Variants in CROCC2 observed in about 807,000 individuals in gnomAD.
CROCC2 encodes ciliary rootlet coiled-coil, rootletin family member 2, also known as ciliary rootlet coiled-coil protein 2.
Under a neutral mutation model 177.6 loss-of-function variants are expected in CROCC2, and 163 were observed. The ratio of observed to expected loss-of-function variants is 0.92; its 90% CI spans 0.81 to 1.05. The LOEUF (loss-of-function observed/expected upper bound fraction) is 1.05. CROCC2 is among the 50% of genes least tolerant of loss of function. The probability of loss-of-function intolerance (pLI) is 0.00; values close to 1 mark genes in which losing one functional copy is unlikely to be tolerated. For missense variants in CROCC2, 1,929 were observed against 1,797.8 expected, an observed-to-expected ratio of 1.07 and a Z score of -1.32; for synonymous variants, 904 against 787.3, an observed-to-expected ratio of 1.15 and a Z score of -2.48.
chr2:240,933,020 G>A lies in CROCC2; in HGVS notation c.1252-111G>A. ...CCCCTGAGCCCCATGGCTCCAGGGA[G>A]GGGCCCCAGTGTCGGGGGTGTCCTT... is the stretch of plus-strand genomic sequence containing the variant. On this transcript the variant is annotated intron_variant, in intron 9 of 31. Transcript: ENST00000690015. 12 of 1,017,642 alleles carry A rather than the reference G, an allele frequency of 1.2e-5. No individual in the cohort carries two copies. The South Asian group carries it at 1.7e-4, about 14-fold the overall frequency. 63.0% of individuals were successfully genotyped at this position (1,017,642 alleles called of 1,614,324 possible).
chr2:240,935,206 G>T, intron 13 of CROCC2, 144 bp downstream of exon 13: 1 of 1,213,874 alleles, frequency 8.2e-7, no homozygotes, highest in East Asian at 3.1e-5. Context: ...AGCCTGACTA[G>T]CCCTGGCCAG....
chr2:240,992,297 G>A (rs113119124), intron 31 of CROCC2, among the ~76,000 whole-genome samples: 4,570 of 152,210 alleles, frequency 0.03, 231 homozygotes, highest in African/African-American at 0.1. Context: ...GGGGCCTCCC[G>A]TCCCAGTCGC....
intron 29 of CROCC2, 104 bp from the exon 30 acceptor site, chr2:240,989,549 TG>T: frequency 8.8e-7 from 1 of 1,131,410 alleles, no homozygotes; most frequent in Non-Finnish European, 1.2e-6. Flanking sequence ...CAGAGGGCAG[TG>T]GGGCCCACAA....
At chr2:240,940,448 A>G (rs749214025) in intron 14 of CROCC2, among the ~76,000 whole-genome samples, 5 of 152,072 alleles carry the variant, frequency 3.3e-5, no homozygotes, top group Admixed American at 6.6e-5. Flanking sequence ...TCCTTTTCAT[A>G]TATTTACCTT....
chr2:240,968,428 C>T (rs932187109), intron 27 of CROCC2, among the ~76,000 whole-genome samples, 166 bp downstream of exon 27: 10 of 152,102 alleles, frequency 6.6e-5, no homozygotes, highest in Admixed American at 1.3e-4. Flanking sequence ...GGCCCTGGGG[C>T]AGAGGTGCAG....
chr2:240,965,965 C>G lies in CROCC2; in HGVS notation c.3933C>G (p.Ser1311=). The change falls in exon 24 of 32, where the codon TCC becomes TCG. Residue 1311 remains serine (S), a synonymous_variant. Transcript: ENST00000690015. ...TCCAGAGACAGAGCCCGTGGGCCTC[C>G]CCGGAGCAGCCTGGTTCCCCCACCA... ...LGLQRQSPWA[S]PEQPGSPTKG... 1 of 1,383,370 alleles carries G rather than the reference C, an allele frequency of 7.2e-7. No individual in the cohort carries two copies. The highest frequency in any genetic ancestry group is 9.3e-7 in the Non-Finnish European group (1 of 1,075,298). 85.7% of individuals were successfully genotyped at this position (1,383,370 alleles called of 1,614,324 possible). A position where few individuals can be genotyped will look rare whatever the true frequency, so the allele number is the denominator to read the frequency against.
chr2:240,969,257 T>G (rs947772678), intron 27 of CROCC2, among the ~76,000 whole-genome samples: 1 of 152,186 alleles, frequency 6.6e-6, no homozygotes, highest in Non-Finnish European at 1.5e-5. Context: ...GCCTGTGCTG[T>G]TCCACGCGGG....
At chr2:240,959,195 T>C (rs1574777741) in intron 19 of CROCC2, 106 bp from the exon 20 acceptor site, 1 of 1,329,820 alleles carries the variant, frequency 7.5e-7, no homozygotes, top group Non-Finnish European at 1.0e-6. Flanking sequence ...CGGCTCCCCC[T>C]CCCAGGCCAC....
In CROCC2 at chr2:240,993,047, C is replaced by T. The variant is rs1330996612; in HGVS notation, c.4947-19C>T. On this transcript the variant is annotated intron_variant, in intron 31 of 31. Transcript: ENST00000690015. Reference sequence around the variant, plus strand: ...CCCGGGAATGCGGTGTCCACGCCTCCCTCTTTGCATCCCTGCAGCGCCCAA... The same window carrying T: ...CCCGGGAATGCGGTGTCCACGCCTCTCTCTTTGCATCCCTGCAGCGCCCAA... The T allele has an allele frequency of 9.8e-6, 7 of 716,752 alleles. No homozygotes were observed. The highest frequency in any genetic ancestry group is 2.0e-5 in the Admixed American group (1 of 49,966). The allele number at this position is 716,752 out of a possible 1,614,324, so 44.4% of individuals were successfully genotyped here.
At chr2:240,919,216 C>A (rs777396990) in intron 2 of CROCC2, among the ~76,000 whole-genome samples, 2 of 151,622 alleles carry the variant, frequency 1.3e-5, no homozygotes, top group Admixed American at 6.6e-5. Flanking sequence ...GGCCTCACCC[C>A]CCACAGGGCC....
Position 240,989,716 on chromosome 2 carries a change from C to T in CROCC2, c.4746C>T (p.His1582=), listed in dbSNP as rs1337367415. 1 of 1,550,376 alleles carries T rather than the reference C, an allele frequency of 6.5e-7. No individual in the cohort carries two copies. Among genetic ancestry groups the T allele is most frequent in the African/African-American group, 1.4e-5 (1 of 73,182 alleles). The stretch of plus-strand genomic sequence containing the variant: ...GGCTCCAGGACCTGACAGCTCAGCA[C>T]CAGCGGGACCTGGCCACAGAGGCAG... ...TQRLQDLTAQ[H]QRDLATEAER... The change falls in exon 30 of 32, where the codon CAC becomes CAT. Residue 1582 remains histidine, a synonymous_variant. Transcript: ENST00000690015.
intron 1 of CROCC2, among the ~76,000 whole-genome samples, chr2:240,906,926 G>A (rs1298070107): frequency 6.7e-6 from 1 of 148,212 alleles, no homozygotes; most frequent in Non-Finnish European, 1.5e-5. Context: ...GCTGGCTGTG[G>A]ATGCTCAGGT....
chr2:240,933,128 C>T lies in CROCC2; in HGVS notation c.1252-3C>T. 6.5e-7 allele frequency: 1 copy of T among 1,550,168 alleles called. No homozygotes were observed. Among genetic ancestry groups the T allele is most frequent in the South Asian group, 1.2e-5 (1 of 84,064 alleles). On this transcript the variant is annotated splice_region_variant and splice_polypyrimidine_tract_variant and intron_variant, in intron 9 of 31. Transcript: ENST00000690015. The stretch of plus-strand genomic sequence containing the variant: ...AGGCCCACAACTTACCCCACCCGAG[C>T]AGGAGCTGTGCCTGCAGCTGAAGTC...
intron 28 of CROCC2, among the ~76,000 whole-genome samples, chr2:240,986,550 C>T (rs906144271): frequency 6.6e-6 from 1 of 152,222 alleles, no homozygotes; most frequent in Non-Finnish European, 1.5e-5. Flanking sequence ...CACGACCCAT[C>T]CACAAGCTCC....
In CROCC2 at chr2:240,946,134, T is replaced by A; in HGVS notation, c.2244T>A (p.Thr748=). 1.3e-6 allele frequency: 2 copies of A among 1,547,300 alleles called. No homozygotes were observed. Among genetic ancestry groups the A allele is most frequent in the Non-Finnish European group, 1.7e-6 (2 of 1,144,286 alleles). ...AGGACCAGGAGGCCCAGATGGGCAC[T>A]CTGCAGCAAGCCCTGCAAGGAAAGG... ...SLQDQEAQMG[T]LQQALQGKDA... is the part of the protein sequence containing the mutation. The change falls in exon 15 of 32, where the codon ACT becomes ACA. Residue 748 remains threonine, a synonymous_variant. Transcript: ENST00000690015.
At chr2:240,986,945 A>T (rs2059843812) in intron 28 of CROCC2, among the ~76,000 whole-genome samples, 1 of 152,214 alleles carries the variant, frequency 6.6e-6, no homozygotes, top group South Asian at 2.1e-4. Flanking sequence ...CCACCTGCAG[A>T]AGGCCCCGCA....
In CROCC2 at chr2:240,960,023, C is replaced by A. The variant is rs1459404437; in HGVS notation, c.3087+579C>A. Among the ~76,000 whole-genome samples, 2 of 152,254 alleles carry A rather than the reference C, an allele frequency of 1.3e-5. No homozygotes were observed. Among genetic ancestry groups the A allele is most frequent in the African/African-American group, 4.8e-5 (2 of 41,474 alleles). On this transcript the variant is annotated intron_variant, in intron 20 of 31. Coordinates refer to ENST00000690015, the MANE Select transcript of CROCC2 (RefSeq NM_001351305.2). This position sits in a 1 kb window ranked among gnomAD's most constrained non-coding sequence, Gnocchi z 5.0. ...CAAAGGCTCCAGGAGTCCAGCCGGC[C>A]CCCTCGTTCCACGCACAGTTAAGAA... is the stretch of plus-strand genomic sequence containing the variant.
Position 240,906,493 on chromosome 2 carries a change from G to A in CROCC2, c.-21G>A. On this transcript the variant is annotated 5_prime_UTR_variant, in exon 1 of 32. Coordinates refer to ENST00000690015, the MANE Select transcript of CROCC2 (RefSeq NM_001351305.2). ...GGTAGCAAAGCCCAGACTTCTCTGG[G>A]GTCCTGCGCTCTGGGCTGCAATGAG... 1 of 399,032 alleles carries A rather than the reference G, an allele frequency of 2.5e-6. No homozygotes were observed. The highest frequency in any genetic ancestry group is 2.1e-5 in the African/African-American group (1 of 48,738). The allele number at this position is 399,032 out of a possible 1,614,324, so 24.7% of individuals were successfully genotyped here.
At chr2:240,991,898 C>G (rs535920231) in intron 31 of CROCC2, among the ~76,000 whole-genome samples, 5 of 152,238 alleles carry the variant, frequency 3.3e-5, no homozygotes, top group African/African-American at 1.2e-4. Flanking sequence ...CACATCCCCA[C>G]GCCCAGCGGC....
Sources: gnomAD v4.1 joint callset for allele counts (sites outside exome capture counted in the v4.1 genomes callset) on GRCh38, gnomAD v4.1.1 for gene constraint, Gnocchi (gnomAD v3.1) non-coding constraint, MANE v1.5 for transcripts, NCBI Gene and HGNC (gene_info 2026-07-23, HGNC 2026-07-21) for gene names.